Variants in MACROD2 observed in about 807,000 individuals in gnomAD.
The protein encoded by MACROD2 is ADP-ribose glycohydrolase MACROD2.
A neutral mutation model predicts 70.4 loss-of-function variants in MACROD2; 36 were observed. That is an observed-to-expected ratio of 0.51 (90% CI 0.39 to 0.68). The LOEUF (loss-of-function observed/expected upper bound fraction) is 0.68. Ranked by LOEUF, MACROD2 falls within the 30% of genes least tolerant of loss-of-function variation. The probability of loss-of-function intolerance (pLI) is 0.00; values close to 1 mark genes in which losing one functional copy is unlikely to be tolerated. For missense variants in MACROD2, 496 were observed against 538.4 expected, an observed-to-expected ratio of 0.92 and a Z score of 0.78; for synonymous variants, 172 against 178.8, an observed-to-expected ratio of 0.96 and a Z score of 0.30.
intron 2 of MACROD2, among the ~76,000 whole-genome samples, chr20:14,083,267 C>T (rs906419382): frequency 6.6e-6 from 1 of 151,598 alleles, no homozygotes; most frequent in African/African-American, 2.4e-5. Flanking sequence ...CCCCCTCTCT[C>T]CTAAAAATAG....
At chr20:14,646,993 T>G (rs1252034087) in intron 4 of MACROD2, among the ~76,000 whole-genome samples, 1 of 152,122 alleles carries the variant, frequency 6.6e-6, no homozygotes, top group Non-Finnish European at 1.5e-5. Flanking sequence ...GAATATTTGC[T>G]GCCGACCTTC....
intron 5 of MACROD2, among the ~76,000 whole-genome samples, chr20:15,195,806 A>G (rs1222996170): frequency 6.6e-6 from 1 of 152,206 alleles, no homozygotes; most frequent in Non-Finnish European, 1.5e-5. Flanking sequence ...CACTATTCAC[A>G]ACAGCAAAGA....
intron 7 of MACROD2, among the ~76,000 whole-genome samples, chr20:15,450,112 A>G (rs1232351261): frequency 6.6e-5 from 10 of 152,166 alleles, no homozygotes; most frequent in Non-Finnish European, 1.0e-4. Flanking sequence ...TATCACACAT[A>G]TATACCTGTA....
chr20:15,606,152 G>C (rs1416682377), intron 8 of MACROD2, among the ~76,000 whole-genome samples: 1 of 152,074 alleles, frequency 6.6e-6, no homozygotes, highest in African/African-American at 2.4e-5. Flanking sequence ...TTCTCCGCCT[G>C]TGTGAGCCAT....
chr20:14,313,378 A>G (rs1239737668), intron 3 of MACROD2, among the ~76,000 whole-genome samples: 1 of 151,274 alleles, frequency 6.6e-6, no homozygotes, highest in African/African-American at 2.4e-5. Context: ...TGACTTATAA[A>G]TTTACTTTCA....
intron 3 of MACROD2, among the ~76,000 whole-genome samples, chr20:14,151,956 G>A (rs1477569352): frequency 6.6e-6 from 1 of 151,586 alleles, no homozygotes; most frequent in African/African-American, 2.4e-5. Context: ...CGAGGAGCTG[G>A]GATTACAGGC....
At chr20:15,825,665 T>C (rs112069421) in intron 8 of MACROD2, among the ~76,000 whole-genome samples, 36 of 152,106 alleles carry the variant, frequency 2.4e-4, no homozygotes, top group African/African-American at 8.5e-4. Flanking sequence ...AATAGATAGA[T>C]ACTAATGATA....
chr20:15,883,139 T>C, intron 9 of MACROD2, among the ~76,000 whole-genome samples: 1 of 151,934 alleles, frequency 6.6e-6, no homozygotes, highest in African/African-American at 2.4e-5. Context: ...GGCTAACCAA[T>C]GAGTGTTTGC....
At chr20:16,004,386 G>A (rs538244629) in intron 15 of MACROD2, among the ~76,000 whole-genome samples, 21 of 152,252 alleles carry the variant, frequency 1.4e-4, no homozygotes, top group South Asian at 1.2e-3. Flanking sequence ...CCTGTGGTAC[G>A]CAAAATGCAT....
intron 4 of MACROD2, among the ~76,000 whole-genome samples, chr20:14,609,483 C>A (rs557284925): frequency 6.6e-6 from 1 of 152,074 alleles, no homozygotes; most frequent in South Asian, 2.1e-4. Flanking sequence ...CACTTCTTTC[C>A]CCTTTTGTGT....
intron 5 of MACROD2, among the ~76,000 whole-genome samples, chr20:15,020,832 T>C (rs2075161070): frequency 6.6e-6 from 1 of 151,736 alleles, no homozygotes; most frequent in Non-Finnish European, 1.5e-5. Context: ...ACCATTGTCA[T>C]ATATGTAGTC....
chr20:14,365,048 A>T lies in MACROD2; in HGVS notation c.272-128431A>T, dbSNP rs541672210. On this transcript the variant is annotated intron_variant, in intron 3 of 17. Coordinates refer to ENST00000684519, the MANE Select transcript of MACROD2 (RefSeq NM_001351661.2). ...AAAGAGGTTGTTAAGGAGTGGTGTT[A>T]ATTCATCTAAATGTTAAATTCTTTT... Among the ~76,000 whole-genome samples the T allele has an allele frequency of 4.6e-5, 7 of 152,266 alleles. No homozygotes were observed. The South Asian group carries it at 6.2e-4, about 14-fold the overall frequency.
chr20:14,569,744 TA>T (rs777374471), intron 4 of MACROD2, among the ~76,000 whole-genome samples: 24 of 151,960 alleles, frequency 1.6e-4, no homozygotes, highest in Non-Finnish European at 2.9e-4. Context: ...GCTTAAACTT[TA>T]GATACTTTGG....
chr20:15,392,015 TTTGC>T (rs1375487709), intron 6 of MACROD2, among the ~76,000 whole-genome samples: 6 of 152,190 alleles, frequency 3.9e-5, no homozygotes, highest in Admixed American at 6.5e-5. Flanking sequence ...TGTTTGTTTG[TTTGC>T]TTGTTCATTT....
At chr20:15,406,266 G>T (rs1380175044) in intron 6 of MACROD2, among the ~76,000 whole-genome samples, 1 of 152,182 alleles carries the variant, frequency 6.6e-6, no homozygotes, top group African/African-American at 2.4e-5. Flanking sequence ...AAAGTGTCCA[G>T]CATTATTTTA....
chr20:14,715,147 T>G (rs1431652915), intron 5 of MACROD2, among the ~76,000 whole-genome samples: 1 of 152,106 alleles, frequency 6.6e-6, no homozygotes, highest in Non-Finnish European at 1.5e-5. Context: ...AGCAAACACA[T>G]TATGCTTCTC....
chr20:14,736,286 A>G (rs1305793439), intron 5 of MACROD2, among the ~76,000 whole-genome samples: 2 of 152,164 alleles, frequency 1.3e-5, no homozygotes, highest in African/African-American at 4.8e-5. Context: ...AGGAAAATCC[A>G]TAGAGACATA....
chr20:15,432,316 G>C (rs998237529), intron 7 of MACROD2, among the ~76,000 whole-genome samples: 1 of 151,984 alleles, frequency 6.6e-6, no homozygotes, highest in African/African-American at 2.4e-5. Flanking sequence ...TGAAGGTCTT[G>C]AGCAAAATAA....
In MACROD2 at chr20:14,428,621, A is replaced by G. The variant is rs375397316; in HGVS notation, c.272-64858A>G. Among the ~76,000 whole-genome samples the G allele has an allele frequency of 3.9e-5, 6 of 152,268 alleles. No homozygotes were observed. In the East Asian group the frequency reaches 5.8e-4, roughly 15 times the overall value. Reference sequence around the variant, plus strand: ...AAAAGAGATAAATCTTTTGCAATCAATGTCGGCAATAGAGTTGATTTGCAG... The same window carrying G: ...AAAAGAGATAAATCTTTTGCAATCAGTGTCGGCAATAGAGTTGATTTGCAG... On this transcript the variant is annotated intron_variant, in intron 3 of 17. Coordinates refer to ENST00000684519, the MANE Select transcript of MACROD2 (RefSeq NM_001351661.2).
Sources: allele counts gnomAD v4.1 joint callset (sites outside exome capture counted in the v4.1 genomes callset), GRCh38; gene constraint gnomAD v4.1.1; transcripts MANE v1.5; gene names NCBI Gene and HGNC (gene_info 2026-07-23, HGNC 2026-07-21).